MAGI2: variants seen among roughly 807,000 people sequenced by gnomAD.
MAGI2 encodes the protein membrane-associated guanylate kinase, WW and PDZ domain-containing protein 2.
In MAGI2, 35 loss-of-function variants were observed where a neutral mutation model predicts 133.3. That is an observed-to-expected ratio of 0.26 (90% CI 0.20 to 0.35). The LOEUF (loss-of-function observed/expected upper bound fraction) is 0.35, where lower values mean the gene tolerates loss of function less well. MAGI2 is among the 10% of genes least tolerant of loss of function. The pLI is 1.00. For synonymous variants in MAGI2, 729 were observed against 710.6 expected (o/e 1.03, Z -0.41); for missense variants, 1,636 against 1,863.4 (o/e 0.88, Z 2.25).
intron 6 of MAGI2, among the ~76,000 whole-genome samples, chr7:78,466,151 TG>T (rs1444086319): frequency 6.6e-6 from 1 of 152,228 alleles, no homozygotes; most frequent in Non-Finnish European, 1.5e-5. Context: ...TCCATTTTCC[TG>T]ACTGCTTTCT....
rs558119871 is a variant in MAGI2 at position 78,539,478 on chromosome 7, G to GTT, written c.539-17835_539-17834dup. On this transcript the variant is annotated intron_variant, in intron 3 of 21. Transcript: ENST00000354212. Reference sequence around the variant, plus strand: ...AGGGATATTGGTCTGTAGTTTTTTTGTTTTTTTGTTTTTTTGTGCCCTTTC... The same window carrying GTT: ...AGGGATATTGGTCTGTAGTTTTTTTGTTTTTTTTTGTTTTTTTGTGCCCTTTC... 1.7e-3 allele frequency among the ~76,000 whole-genome samples: 242 copies of GTT among 142,618 alleles called. 6 individuals are homozygous for GTT. In the East Asian group the frequency reaches 0.035, roughly 21 times the overall value. The allele number at this position is 142,618 out of a possible 152,430, so 93.6% of individuals were successfully genotyped here.
intron 6 of MAGI2, among the ~76,000 whole-genome samples, chr7:78,372,413 C>T (rs1038551540): frequency 3.9e-5 from 6 of 152,180 alleles, no homozygotes; most frequent in Non-Finnish European, 8.8e-5. Flanking sequence ...GAATTTCCAA[C>T]ATCGCACTAT....
chr7:78,478,809 G>A (rs534993699), intron 6 of MAGI2, among the ~76,000 whole-genome samples: 66 of 152,004 alleles, frequency 4.3e-4, no homozygotes, highest in Admixed American at 2.2e-3. Flanking sequence ...GAGCACACCA[G>A]GAAGACCTTC....
chr7:78,509,634 T>G (rs973837101), intron 4 of MAGI2, among the ~76,000 whole-genome samples: 5 of 152,312 alleles, frequency 3.3e-5, no homozygotes. Flanking sequence ...GCTTTCTTGT[T>G]TATTGCCCTG....
intron 9 of MAGI2, among the ~76,000 whole-genome samples, chr7:78,323,982 T>C (rs1195374715): frequency 6.6e-6 from 1 of 152,152 alleles, no homozygotes; most frequent in Non-Finnish European, 1.5e-5. Context: ...TGTGTATTGA[T>C]CTTGAAATTT....
At chr7:78,507,017 ATTCAT>A (rs949777168) in intron 4 of MAGI2, among the ~76,000 whole-genome samples, 2 of 152,162 alleles carry the variant, frequency 1.3e-5, no homozygotes, top group Non-Finnish European at 2.9e-5. Context: ...CTGTTTATTC[ATTCAT>A]TTCTTTATTC....
rs200608566 is a variant in MAGI2, at chr7:78,493,893, AG to A, written c.966-4054del. Among the ~76,000 whole-genome samples, 705 of 152,320 alleles carry A rather than the reference AG, an allele frequency of 4.6e-3. 2 individuals are homozygous for A. Among genetic ancestry groups the A allele is most frequent in the African/African-American group, 0.013 (551 of 41,580 alleles). On this transcript the variant is annotated intron_variant, in intron 5 of 21. Transcript: ENST00000354212. ...GAGACAAAAGAGAGCACTGTGATTGAGGAGGCATTGATAATACCACTGGAAA... is the reference window on the plus strand; with the variant it reads ...GAGACAAAAGAGAGCACTGTGATTGAGAGGCATTGATAATACCACTGGAAA...
At chr7:78,092,909 G>A (rs1817343194) in intron 20 of MAGI2, among the ~76,000 whole-genome samples, 1 of 151,998 alleles carries the variant, frequency 6.6e-6, no homozygotes, top group Non-Finnish European at 1.5e-5. Flanking sequence ...TATTAGGTTG[G>A]TGCAAATGTA....
chr7:78,955,661 C>T (rs1802242755), intron 2 of MAGI2, among the ~76,000 whole-genome samples: 1 of 150,024 alleles, frequency 6.7e-6, no homozygotes, highest in African/African-American at 2.5e-5. Flanking sequence ...CTCTCCCTTC[C>T]TTCTTTCCTT....
chr7:79,376,208 T>C (rs974065467), intron 1 of MAGI2, among the ~76,000 whole-genome samples: 4 of 151,902 alleles, frequency 2.6e-5, no homozygotes, highest in African/African-American at 7.2e-5. Context: ...ATATACCATG[T>C]TTTTTCCTAT....
At chr7:78,728,816 C>G (rs1302599279) in intron 2 of MAGI2, among the ~76,000 whole-genome samples, 1 of 124,600 alleles carries the variant, frequency 8.0e-6, no homozygotes, top group African/African-American at 2.8e-5. Context: ...CCGCCCGCCT[C>G]GGCCTCCCAA....
chr7:78,244,812 A>G (rs1791583478), intron 10 of MAGI2, among the ~76,000 whole-genome samples: 1 of 149,966 alleles, frequency 6.7e-6, no homozygotes, highest in Admixed American at 6.6e-5. Context: ...GAAAATAATA[A>G]TCATCTCCAA....
At position 79,106,314 on chromosome 7, in the gene MAGI2, A is replaced by G. The variant is rs1818443311; in HGVS notation, c.302-99108T>C. ...GGATTAGGGCTGGGAATAAAAATTGATTGCAAAGATGAAGCATGAAGGAAT... is the reference window on the plus strand; with the variant it reads ...GGATTAGGGCTGGGAATAAAAATTGGTTGCAAAGATGAAGCATGAAGGAAT... On this transcript the variant is annotated intron_variant, in intron 1 of 21. Transcript: ENST00000354212. Among the ~76,000 whole-genome samples the G allele has an allele frequency of 2.0e-5, 3 of 151,146 alleles. No homozygotes were observed. The East Asian group carries it at 5.8e-4, about 29-fold the overall frequency.
At chr7:79,275,557 T>C (rs1563069771) in intron 1 of MAGI2, among the ~76,000 whole-genome samples, 1 of 152,200 alleles carries the variant, frequency 6.6e-6, no homozygotes, top group Non-Finnish European at 1.5e-5. Flanking sequence ...ATCTAGAAGA[T>C]GCAGCTACGA....
intron 4 of MAGI2, among the ~76,000 whole-genome samples, chr7:78,515,360 T>C (rs576029034): frequency 2.0e-5 from 3 of 152,302 alleles, no homozygotes; most frequent in East Asian, 3.9e-4. Flanking sequence ...GTATACTTTT[T>C]TTTTAGTTAT....
intron 6 of MAGI2, among the ~76,000 whole-genome samples, chr7:78,474,381 A>G (rs1791533108): frequency 6.6e-6 from 1 of 152,048 alleles, no homozygotes; most frequent in Admixed American, 6.6e-5. Flanking sequence ...AAGAAAACCC[A>G]CAAGCTGAAT....
Position 79,212,272 on chromosome 7 carries a change from G to A in MAGI2, c.302-205066C>T, listed in dbSNP as rs1040732165. On this transcript the variant is annotated intron_variant, in intron 1 of 21. Coordinates refer to ENST00000354212, the MANE Select transcript of MAGI2 (RefSeq NM_012301.4). Reference sequence around the variant, plus strand: ...GCCATTTCCTCATTGATCCTTGGAGGTGTCTGTAGTATTTTGCTATTGCAT... The same window carrying A: ...GCCATTTCCTCATTGATCCTTGGAGATGTCTGTAGTATTTTGCTATTGCAT... Among the ~76,000 whole-genome samples the A allele has an allele frequency of 1.3e-5, 2 of 152,006 alleles. 1 individual carries two copies. The highest frequency in any genetic ancestry group is 4.8e-5 in the African/African-American group (2 of 41,318).
At chr7:78,834,316 C>T (rs750058713) in intron 2 of MAGI2, among the ~76,000 whole-genome samples, 7 of 152,098 alleles carry the variant, frequency 4.6e-5, no homozygotes, top group Non-Finnish European at 8.8e-5. Flanking sequence ...ATCTTCACCC[C>T]GCAAAAAGAA....
chr7:78,442,079 G>A (rs1235174863), intron 6 of MAGI2, among the ~76,000 whole-genome samples: 1 of 152,108 alleles, frequency 6.6e-6, no homozygotes, highest in Admixed American at 6.6e-5. Flanking sequence ...ATGACTATGA[G>A]CCTTTGCTAC....
Sources: allele counts gnomAD v4.1 joint callset (sites outside exome capture counted in the v4.1 genomes callset), GRCh38; gene constraint gnomAD v4.1.1; transcripts MANE v1.5; gene names NCBI Gene and HGNC (gene_info 2026-07-23, HGNC 2026-07-21).